The following IGSF5 variants were observed in gnomAD, a reference collection of about 807,000 sequenced individuals.
IGSF5 encodes the protein immunoglobulin superfamily 5 like.
Under a neutral mutation model 39.4 loss-of-function variants are expected in IGSF5, and 41 were observed. The observed-to-expected ratio is 1.04, with a 90% CI of 0.81 to 1.35. IGSF5 has a LOEUF of 1.35. Ranked by LOEUF, IGSF5 falls within the 40% of genes most tolerant of loss-of-function variation. The probability of loss-of-function intolerance (pLI) is 0.00; values close to 1 mark genes in which losing one functional copy is unlikely to be tolerated. For missense variants in IGSF5, 487 were observed against 494.6 expected, an observed-to-expected ratio of 0.98 and a Z score of 0.15; for synonymous variants, 183 against 175.3, an observed-to-expected ratio of 1.04 and a Z score of -0.34.
intron 8 of IGSF5, among the ~76,000 whole-genome samples, chr21:39,797,426 C>T (rs1450534392): frequency 6.6e-6 from 1 of 152,090 alleles, no homozygotes; most frequent in Non-Finnish European, 1.5e-5. Flanking sequence ...ACCATGTTGG[C>T]CAGGCTGGGC....
At chr21:39,769,925 G>A (rs2837193) in intron 3 of IGSF5, among the ~76,000 whole-genome samples, 47,483 of 152,040 alleles carry the variant, frequency 0.31, 8,017 homozygotes, top group Non-Finnish European at 0.39. Context: ...AAGGTACTGA[G>A]ACCAAAGTGT....
At chr21:39,712,465 T>G in the IGSF5 span, among the ~76,000 whole-genome samples, 73 of 152,232 alleles carry the variant, frequency 4.8e-4, no homozygotes, top group African/African-American at 1.6e-3. Flanking sequence ...AGTTAATTCC[T>G]GTCAAGCAGA....
At chr21:39,714,026 A>G in the IGSF5 span, among the ~76,000 whole-genome samples, 1 of 152,376 alleles carries the variant, frequency 6.6e-6, no homozygotes, top group East Asian at 1.9e-4. Flanking sequence ...TGGAGAATTA[A>G]CATCGCCCTG....
At chr21:39,772,643 C>T (rs1379337292) in intron 4 of IGSF5, among the ~76,000 whole-genome samples, 1 of 152,142 alleles carries the variant, frequency 6.6e-6, no homozygotes, top group Non-Finnish European at 1.5e-5. Flanking sequence ...ATGGTCTTTT[C>T]TGAGATAAAC....
intron 2 of IGSF5, among the ~76,000 whole-genome samples, chr21:39,761,060 A>G (rs954487881): frequency 6.6e-6 from 1 of 152,208 alleles, no homozygotes; most frequent in Non-Finnish European, 1.5e-5. Flanking sequence ...AAACAGACAC[A>G]TAGACCAATG....
At chr21:39,793,745 T>C (rs548494267) in intron 8 of IGSF5, 132 bp downstream of exon 8, 5 of 724,438 alleles carry the variant, frequency 6.9e-6, no homozygotes, top group South Asian at 1.7e-5. Context: ...CTCCCCTCCA[T>C]ATCAGCTGGT....
At chr21:39,758,968 T>C (rs2080047055) in intron 2 of IGSF5, among the ~76,000 whole-genome samples, 1 of 152,364 alleles carries the variant, frequency 6.6e-6, no homozygotes. Flanking sequence ...ATTTGTATGA[T>C]CGATGTTGAG....
At chr21:39,759,934 C>T (rs1251640809) in intron 2 of IGSF5, among the ~76,000 whole-genome samples, 2 of 151,660 alleles carry the variant, frequency 1.3e-5, no homozygotes, top group African/African-American at 2.4e-5. Flanking sequence ...GGGTTGAGGC[C>T]TGGAGGTGGC....
At chr21:39,777,011 C>T (rs1322250434) in intron 4 of IGSF5, among the ~76,000 whole-genome samples, 1 of 152,164 alleles carries the variant, frequency 6.6e-6, no homozygotes, top group Non-Finnish European at 1.5e-5. Flanking sequence ...TCACACACAC[C>T]CCTGAACAGC....
chr21:39,757,445 C>T (rs947822087), intron 2 of IGSF5, among the ~76,000 whole-genome samples: 4 of 151,964 alleles, frequency 2.6e-5, no homozygotes, highest in Non-Finnish European at 5.9e-5. Flanking sequence ...TGGTGTAAGA[C>T]GATTTCAACC....
At chr21:39,764,512 G>A (rs1468568471) in intron 2 of IGSF5, among the ~76,000 whole-genome samples, 2 of 152,164 alleles carry the variant, frequency 1.3e-5, no homozygotes, top group Non-Finnish European at 2.9e-5. Flanking sequence ...GCTAATTTTT[G>A]TATTTTCAGT....
the IGSF5 span, among the ~76,000 whole-genome samples, chr21:39,736,086 T>A: frequency 6.6e-6 from 1 of 152,184 alleles, no homozygotes; most frequent in Non-Finnish European, 1.5e-5. Context: ...CAGCCTCTTT[T>A]AACTTCCTAA....
At chr21:39,727,175 C>A in the IGSF5 span, among the ~76,000 whole-genome samples, 2 of 152,234 alleles carry the variant, frequency 1.3e-5, no homozygotes, top group Non-Finnish European at 2.9e-5. Context: ...TAGAATTTTG[C>A]TTCCTATCCC....
Position 39,759,223 on chromosome 21 carries a change from G to T in IGSF5, c.101-6312G>T, listed in dbSNP as rs532576245. On this transcript the variant is annotated intron_variant, in intron 2 of 8. Coordinates refer to ENST00000380588, the MANE Select transcript of IGSF5 (RefSeq NM_001080444.2). ...GTGTTGCCTGCCTAAGAAATGTTTT[G>T]TGACATTTTGGCTTTGGGTCTATTT... Among the ~76,000 whole-genome samples the T allele has an allele frequency of 1.8e-4, 28 of 152,344 alleles. No individual in the cohort carries two copies. The South Asian group carries it at 5.6e-3, about 30-fold the overall frequency.
the IGSF5 span, among the ~76,000 whole-genome samples, chr21:39,720,240 A>G: frequency 8.5e-5 from 13 of 152,192 alleles, no homozygotes; most frequent in African/African-American, 3.1e-4. Context: ...TCACACTTCT[A>G]TGAGAGTCTG....
the IGSF5 span, among the ~76,000 whole-genome samples, chr21:39,723,336 C>T: frequency 6.6e-6 from 1 of 152,108 alleles, no homozygotes; most frequent in Non-Finnish European, 1.5e-5. Flanking sequence ...GTGGGTGTCT[C>T]CAACATGACT....
At chr21:39,791,948 T>C in intron 6 of IGSF5, 60 bp from the exon 7 acceptor site, 1 of 1,137,414 alleles carries the variant, frequency 8.8e-7, no homozygotes, top group Non-Finnish European at 1.3e-6. Flanking sequence ...CCATTGCCAA[T>C]TAACATTTGG....
At chr21:39,769,758 AAT>A (rs148539970) in intron 3 of IGSF5, among the ~76,000 whole-genome samples, 2,206 of 152,272 alleles carry the variant, frequency 0.014, 23 homozygotes, top group Middle Eastern at 0.037. Flanking sequence ...TTTCCATGAA[AAT>A]ATGTTAATCA....
the IGSF5 span, among the ~76,000 whole-genome samples, chr21:39,728,590 C>T: frequency 1.3e-5 from 2 of 152,282 alleles, no homozygotes; most frequent in African/African-American, 2.4e-5. Flanking sequence ...ATGACGCACT[C>T]GCTCTTTCTG....
Sources: allele counts gnomAD v4.1 joint callset (sites outside exome capture counted in the v4.1 genomes callset), GRCh38; gene constraint gnomAD v4.1.1; transcripts MANE v1.5; gene names NCBI Gene and HGNC (gene_info 2026-07-23, HGNC 2026-07-21).